PPP2R1B: variants seen among roughly 807,000 people sequenced by gnomAD.
The protein encoded by PPP2R1B is protein phosphatase 2 scaffold subunit Abeta.
In PPP2R1B, 58 loss-of-function variants were observed where a neutral mutation model predicts 72.7. The observed-to-expected ratio is 0.80, with a 90% CI of 0.65 to 0.99. The LOEUF (loss-of-function observed/expected upper bound fraction) is 0.99, where lower values mean the gene tolerates loss of function less well. PPP2R1B is among the 50% of genes least tolerant of loss of function. The pLI is 0.00. For synonymous variants in PPP2R1B, 256 were observed against 264.6 expected, an observed-to-expected ratio of 0.97 and a Z score of 0.32; for missense variants, 695 against 733.6, an observed-to-expected ratio of 0.95 and a Z score of 0.61.
At position 111,739,867 on chromosome 11, in the gene PPP2R1B, G is replaced by A. The variant is rs1944460951; in HGVS notation, c.*1729C>T. 2.0e-6 allele frequency: 2 copies of A among 979,606 alleles called. No individual in the cohort carries two copies. The highest frequency in any genetic ancestry group is 1.2e-4 in the Admixed American group (2 of 16,226). The allele number at this position is 979,606 out of a possible 1,614,324, so 60.7% of individuals were successfully genotyped here. ...TGCTTAGGAAAATACTTAATTCTTG[G>A]CCCAAAGTCATAAAATAGAAACTTA... On this transcript the variant is annotated 3_prime_UTR_variant, in exon 15 of 15. Transcript: ENST00000527614.
At chr11:111,711,796 G>A in the PPP2R1B span, among the ~76,000 whole-genome samples, 1 of 152,308 alleles carries the variant, frequency 6.6e-6, no homozygotes, top group Non-Finnish European at 1.5e-5. Context: ...GTTACTTGTG[G>A]GTGTGTATAT....
At chr11:111,765,479 G>A (rs45555631) in intron 1 of PPP2R1B, 95 bp from the exon 2 acceptor site, 2 of 976,814 alleles carry the variant, frequency 2.0e-6, no homozygotes, top group South Asian at 1.5e-5. Flanking sequence ...TTATGACACA[G>A]GGGTAAGAAT....
intron 3 of PPP2R1B, among the ~76,000 whole-genome samples, chr11:111,762,437 C>T (rs1450617186): frequency 1.3e-5 from 2 of 152,086 alleles, no homozygotes; most frequent in Non-Finnish European, 2.9e-5. Context: ...ATCATTACTA[C>T]AGGATGAGGC....
the PPP2R1B span, among the ~76,000 whole-genome samples, chr11:111,719,025 G>A: frequency 6.6e-6 from 1 of 152,254 alleles, no homozygotes; most frequent in African/African-American, 2.4e-5. Flanking sequence ...TCACCCCTGT[G>A]GGATAGGAAC....
At chr11:111,763,921 T>C (rs1169371966) in intron 3 of PPP2R1B, among the ~76,000 whole-genome samples, 1 of 152,036 alleles carries the variant, frequency 6.6e-6, no homozygotes, top group Non-Finnish European at 1.5e-5. Context: ...AGGAGTTCCA[T>C]GGAAAAGTCA....
At chr11:111,761,688 G>A (rs1297997864) in intron 3 of PPP2R1B, among the ~76,000 whole-genome samples, 5 of 152,240 alleles carry the variant, frequency 3.3e-5, no homozygotes, top group Non-Finnish European at 7.3e-5. Context: ...GGCCAGGCAC[G>A]GTGGCTCACA....
At chr11:111,750,845 T>TG (rs1172034342) in intron 10 of PPP2R1B, among the ~76,000 whole-genome samples, 2 of 147,652 alleles carry the variant, frequency 1.4e-5, no homozygotes, top group Non-Finnish European at 3.0e-5. Context: ...TTTGTTTTGT[T>TG]TTTTTTTTTT....
chr11:111,752,901 T>C lies in PPP2R1B; in HGVS notation c.1164+542A>G, dbSNP rs370533902. On this transcript the variant is annotated intron_variant, in intron 9 of 14. Coordinates refer to ENST00000527614, the MANE Select transcript of PPP2R1B (RefSeq NM_002716.5). ...TGGCATCAACTCAGGAGGCGGAGCT[T>C]GCAGTGAGCAGAGATTGCGCCACTG... Among the ~76,000 whole-genome samples, 15 of 152,306 alleles carry C rather than the reference T, an allele frequency of 9.8e-5. No individual in the cohort carries two copies. The East Asian group carries it at 2.7e-3, about 27-fold the overall frequency.
At chr11:111,747,828 A>G in intron 11 of PPP2R1B, 126 bp downstream of exon 11, 1 of 756,750 alleles carries the variant, frequency 1.3e-6, no homozygotes, top group Non-Finnish European at 2.0e-6. Context: ...AACTTTAATT[A>G]GAGCCTTTCT....
chr11:111,737,329 G>A, downstream of PPP2R1B: 1 of 1,471,286 alleles, frequency 6.8e-7, no homozygotes, highest in African/African-American at 1.4e-5. Context: ...CTTCCCCTGG[G>A]GACAAAGTGA....
At chr11:111,727,278 G>C in intron 15 of PPP2R1B, 2 of 585,768 alleles carry the variant, frequency 3.4e-6, no homozygotes, top group Non-Finnish European at 6.1e-6. Flanking sequence ...GGGGCTCAGG[G>C]GCTGTTCATG....
chr11:111,712,931 G>A, the PPP2R1B span, among the ~76,000 whole-genome samples: 6 of 152,140 alleles, frequency 3.9e-5, no homozygotes, highest in African/African-American at 7.2e-5. Context: ...TTGGGAGGCC[G>A]AGGCGGGCAG....
At chr11:111,747,541 C>T (rs1944747304) in intron 11 of PPP2R1B, among the ~76,000 whole-genome samples, 1 of 152,170 alleles carries the variant, frequency 6.6e-6, no homozygotes, top group Non-Finnish European at 1.5e-5. Flanking sequence ...TCTATGTCAC[C>T]TCAAAAAGCC....
intron 5 of PPP2R1B, among the ~76,000 whole-genome samples, chr11:111,758,552 T>C (rs1945210021): frequency 6.6e-6 from 1 of 151,814 alleles, no homozygotes; most frequent in Non-Finnish European, 1.5e-5. Flanking sequence ...ATTGCACCAC[T>C]GCACTCCAGC....
the PPP2R1B span, among the ~76,000 whole-genome samples, chr11:111,708,871 G>A: frequency 6.6e-6 from 1 of 152,132 alleles, no homozygotes; most frequent in South Asian, 2.1e-4. Context: ...TGCAGGACCT[G>A]ATGAAGGTCA....
Position 111,765,279 on chromosome 11 carries a change from C to G in PPP2R1B, c.205+15G>C, listed in dbSNP as rs1555052662. ...TGGAATGTCCCTACCTTTCTTTAAA[C>G]AAAGATTCACATACCTGTAAGAAAT... On this transcript the variant is annotated intron_variant, in intron 2 of 14. Coordinates refer to ENST00000527614, the MANE Select transcript of PPP2R1B (RefSeq NM_002716.5). 6.3e-7 allele frequency: 1 copy of G among 1,595,080 alleles called. No homozygotes were observed. The highest frequency in any genetic ancestry group is 1.1e-5 in the South Asian group (1 of 89,910).
downstream of PPP2R1B, chr11:111,724,107 A>G (rs1943894328): frequency 6.2e-7 from 1 of 1,611,864 alleles, no homozygotes; most frequent in Admixed American, 1.7e-5. Flanking sequence ...CCACAACACA[A>G]CGGGTATGTC....
At chr11:111,755,590 C>CTTT (rs1167247279) in intron 5 of PPP2R1B, 140 bp from the exon 6 acceptor site, 513 of 450,484 alleles carry the variant, frequency 1.1e-3, no homozygotes, top group South Asian at 1.4e-3. Flanking sequence ...ACATCTTTTT[C>CTTT]TTTTTTTTTT....
chr11:111,716,860 A>G, the PPP2R1B span, among the ~76,000 whole-genome samples: 1 of 152,210 alleles, frequency 6.6e-6, no homozygotes, highest in Admixed American at 6.5e-5. Context: ...ACAGAATGAG[A>G]GAACATTTTT....
Sources: gnomAD v4.1 joint callset for allele counts (sites outside exome capture counted in the v4.1 genomes callset) on GRCh38, gnomAD v4.1.1 for gene constraint, MANE v1.5 for transcripts, NCBI Gene and HGNC (gene_info 2026-07-23, HGNC 2026-07-21) for gene names.